FGF18: variants seen among roughly 807,000 people sequenced by gnomAD.
FGF18 encodes the protein fibroblast growth factor 18.
FGF18 carries 5 observed loss-of-function variants against 23.0 expected under a neutral mutation model. The ratio of observed to expected loss-of-function variants is 0.22; its 90% CI spans 0.11 to 0.46. FGF18 has a LOEUF of 0.46. Ranked by LOEUF, FGF18 falls within the 20% of genes least tolerant of loss-of-function variation. The probability of loss-of-function intolerance (pLI) is 0.99; values close to 1 mark genes in which losing one functional copy is unlikely to be tolerated. For synonymous variants in FGF18, 117 were observed against 118.9 expected, an observed-to-expected ratio of 0.98 and a Z score of 0.10; for missense variants, 180 against 291.6, an observed-to-expected ratio of 0.62 and a Z score of 2.79.
intron 3 of FGF18, among the ~76,000 whole-genome samples, chr5:171,443,422 GC>G (rs1319176779): frequency 2.0e-5 from 3 of 147,582 alleles, no homozygotes; most frequent in Non-Finnish European, 3.0e-5. Flanking sequence ...TGAGTGCCCG[GC>G]CCCACGTTCA....
In FGF18 at chr5:171,436,019, G is replaced by T; in HGVS notation, c.70-74G>T. 7.9e-7 allele frequency: 1 copy of T among 1,266,210 alleles called. No homozygotes were observed. The highest frequency in any genetic ancestry group is 2.8e-5 in the East Asian group (1 of 35,478). The allele number at this position is 1,266,210 out of a possible 1,614,324, so 78.4% of individuals were successfully genotyped here. On this transcript the variant is annotated intron_variant, in intron 2 of 4. Transcript: ENST00000274625. The surrounding 1 kb of genome is among the most constrained non-coding windows in gnomAD (Gnocchi z 4.4). ...TAGAGAAGCCCTTGGTCTTTGTGGTGGACGTGGCTGGCTCCTGCATGCAGT... is the reference window on the plus strand; with the variant it reads ...TAGAGAAGCCCTTGGTCTTTGTGGTTGACGTGGCTGGCTCCTGCATGCAGT...
intron 2 of FGF18, among the ~76,000 whole-genome samples, chr5:171,431,190 C>G (rs75073573): frequency 3.3e-5 from 5 of 151,996 alleles, no homozygotes; most frequent in African/African-American, 1.2e-4. Flanking sequence ...CTTGGTTGAT[C>G]TCTGGAAGCT....
rs563284714 is a variant in FGF18 at position 171,436,941 on chromosome 5, G to A, written c.250+668G>A. Among the ~76,000 whole-genome samples the A allele has an allele frequency of 1.3e-4, 20 of 152,366 alleles. No individual in the cohort carries two copies. Among genetic ancestry groups the A allele is most frequent in the Admixed American group, 6.5e-4 (10 of 15,308 alleles). On this transcript the variant is annotated intron_variant, in intron 3 of 4. Coordinates refer to ENST00000274625, the MANE Select transcript of FGF18 (RefSeq NM_003862.3). This position sits in a 1 kb window ranked among gnomAD's most constrained non-coding sequence, Gnocchi z 4.4. ...CAGTGAGTGAAACAGGCAGCGCTCCGCCTTCCCAGAGCTTGGAGGGCCTCT... is the reference window on the plus strand; with the variant it reads ...CAGTGAGTGAAACAGGCAGCGCTCCACCTTCCCAGAGCTTGGAGGGCCTCT...
intron 2 of FGF18, among the ~76,000 whole-genome samples, chr5:171,432,347 T>C (rs10475979): frequency 0.16 from 24,616 of 151,458 alleles, 2,273 homozygotes; most frequent in South Asian, 0.31. Flanking sequence ...AGGTGCCATG[T>C]CTGGGGGTCA....
rs192800707 is a variant in FGF18, at chr5:171,435,973, C to T, written c.70-120C>T. Reference sequence around the variant, plus strand: ...AGGGGGTGGTTATCAGTGTGTGCCACGGCCTGGCTCAGAGCCGGTGTAGAG... The same window carrying T: ...AGGGGGTGGTTATCAGTGTGTGCCATGGCCTGGCTCAGAGCCGGTGTAGAG... On this transcript the variant is annotated intron_variant, in intron 2 of 4. Coordinates refer to ENST00000274625, the MANE Select transcript of FGF18 (RefSeq NM_003862.3). 206 of 751,712 alleles carry T rather than the reference C, an allele frequency of 2.7e-4. No individual in the cohort carries two copies. In the African/African-American group the frequency reaches 3.3e-3, roughly 12 times the overall value. 46.6% of individuals were successfully genotyped at this position (751,712 alleles called of 1,614,324 possible). A position where few individuals can be genotyped will look rare whatever the true frequency, so the allele number is the denominator to read the frequency against.
At position 171,453,231 on chromosome 5, in the gene FGF18, C is replaced by G. The variant is rs756865220; in HGVS notation, c.358-3308C>G. Among the ~76,000 whole-genome samples, 8 of 152,284 alleles carry G rather than the reference C, an allele frequency of 5.3e-5. No individual in the cohort carries two copies. In the East Asian group the frequency reaches 7.7e-4, roughly 15 times the overall value. ...CAGGAGCAGAGGCAAGCGTCAAGCC[C>G]GGATGTAGCCTGCTGTTAGCTTCTT... On this transcript the variant is annotated intron_variant, in intron 4 of 4. Transcript: ENST00000274625.
In FGF18 at chr5:171,440,100, C is replaced by T. The variant is rs1405477906; in HGVS notation, c.250+3827C>T. On this transcript the variant is annotated intron_variant, in intron 3 of 4. Coordinates refer to ENST00000274625, the MANE Select transcript of FGF18 (RefSeq NM_003862.3). The surrounding 1 kb of genome is among the most constrained non-coding windows in gnomAD (Gnocchi z 4.0). ...TGGGAGACCGTGGATCTGAGTTAGC[C>T]TTTCTGATCCTGTTTCCTCTTCTAC... Among the ~76,000 whole-genome samples, 1 of 152,176 alleles carries T rather than the reference C, an allele frequency of 6.6e-6. No individual in the cohort carries two copies. The highest frequency in any genetic ancestry group is 1.5e-5 in the Non-Finnish European group (1 of 68,018).
chr5:171,420,524 T>A, intron 2 of FGF18, 81 bp downstream of exon 2: 1 of 1,354,876 alleles, frequency 7.4e-7, no homozygotes, highest in South Asian at 1.2e-5. Context: ...CCGCGCCCCC[T>A]CCCTGTGCCC....
chr5:171,450,559 G>T (rs1772483236), intron 4 of FGF18, among the ~76,000 whole-genome samples: 1 of 152,204 alleles, frequency 6.6e-6, no homozygotes, highest in Non-Finnish European at 1.5e-5. Flanking sequence ...AGCCCGGTTT[G>T]GAAGGAAAAG....
At chr5:171,449,113 A>G in intron 3 of FGF18, 34 bp from the exon 4 acceptor site, 1 of 1,510,688 alleles carries the variant, frequency 6.6e-7, no homozygotes, top group Non-Finnish European at 9.2e-7. Flanking sequence ...CCCTGGTAAT[A>G]AAATGTGTCT....
At chr5:171,442,558 C>T (rs1772361954) in intron 3 of FGF18, among the ~76,000 whole-genome samples, 1 of 152,218 alleles carries the variant, frequency 6.6e-6, no homozygotes, top group African/African-American at 2.4e-5. Flanking sequence ...CTCCCTGGCT[C>T]CCAGCTCCCC....
At position 171,457,217 on chromosome 5, in the gene FGF18, A is replaced by G. The variant is rs1772599020; in HGVS notation, c.*412A>G. ...AGAGAAAGTAGTACTCCGCCCACCA[A>G]CAAACTCCCCCTAACTTTCCCAATC... is the stretch of plus-strand genomic sequence containing the variant. On this transcript the variant is annotated 3_prime_UTR_variant, in exon 5 of 5. Transcript: ENST00000274625. 6.2e-6 allele frequency: 1 copy of G among 160,824 alleles called. No individual in the cohort carries two copies. The highest frequency in any genetic ancestry group is 2.4e-5 in the African/African-American group (1 of 41,496). The allele number at this position is 160,824 out of a possible 1,614,324, so 10.0% of individuals were successfully genotyped here.
At chr5:171,438,119 G>A (rs1474336652) in intron 3 of FGF18, among the ~76,000 whole-genome samples, 1 of 139,750 alleles carries the variant, frequency 7.2e-6, no homozygotes, top group African/African-American at 2.7e-5. Context: ...TTTTTTTTGA[G>A]ACAGTGTCTT....
intron 4 of FGF18, among the ~76,000 whole-genome samples, chr5:171,452,668 A>C (rs1401352572): frequency 6.6e-6 from 1 of 151,996 alleles, no homozygotes; most frequent in South Asian, 2.1e-4. Flanking sequence ...CGCAACCCAG[A>C]TTGTATTTTT....
intron 4 of FGF18, among the ~76,000 whole-genome samples, chr5:171,450,166 G>A (rs1248553012): frequency 6.6e-6 from 1 of 150,904 alleles, no homozygotes; most frequent in Non-Finnish European, 1.5e-5. Context: ...TGGGGGCAAT[G>A]CCCTGGCTGA....
At chr5:171,429,613 G>A (rs1174804736) in intron 2 of FGF18, among the ~76,000 whole-genome samples, 1 of 152,264 alleles carries the variant, frequency 6.6e-6, no homozygotes, top group African/African-American at 2.4e-5. Context: ...TGCTGCTGGA[G>A]GAGCCAGGTG....
intron 3 of FGF18, among the ~76,000 whole-genome samples, chr5:171,443,501 A>ATCTTTTTT (rs1772375785): frequency 1.6e-5 from 1 of 63,742 alleles, no homozygotes; most frequent in Non-Finnish European, 2.7e-5. Context: ...TGTTATCATC[A>ATCTTTTTT]TTTTTTTTTT....
rs1772593790 is a variant in FGF18, at chr5:171,456,943, G to T, written c.*138G>T. 2 of 1,118,344 alleles carry T rather than the reference G, an allele frequency of 1.8e-6. No individual in the cohort carries two copies. Among genetic ancestry groups the T allele is most frequent in the Non-Finnish European group, 2.5e-6 (2 of 807,544 alleles). 69.3% of individuals were successfully genotyped at this position (1,118,344 alleles called of 1,614,324 possible). A position where few individuals can be genotyped will look rare whatever the true frequency, so the allele number is the denominator to read the frequency against. ...TTGTGTTTAAAAGAAGACAAAAACT[G>T]AACCAAAACTCTTGGGGGGAGGGGT... On this transcript the variant is annotated 3_prime_UTR_variant, in exon 5 of 5. Transcript: ENST00000274625. The surrounding 1 kb of genome is among the most constrained non-coding windows in gnomAD (Gnocchi z 6.1).
At chr5:171,429,989 C>T (rs954484997) in intron 2 of FGF18, among the ~76,000 whole-genome samples, 2 of 152,248 alleles carry the variant, frequency 1.3e-5, no homozygotes, top group Non-Finnish European at 2.9e-5. Flanking sequence ...ATCTTGATTT[C>T]TCACCAATTC....
Sources: gnomAD v4.1 joint callset for allele counts (sites outside exome capture counted in the v4.1 genomes callset) on GRCh38, gnomAD v4.1.1 for gene constraint, Gnocchi (gnomAD v3.1) non-coding constraint, MANE v1.5 for transcripts, NCBI Gene and HGNC (gene_info 2026-07-23, HGNC 2026-07-21) for gene names.